Variants in ZNF431 observed in about 807,000 individuals in gnomAD.
ZNF431 encodes the protein zinc finger protein 431.
A neutral mutation model predicts 57.0 loss-of-function variants in ZNF431; 34 were observed. That is an observed-to-expected ratio of 0.60 (90% confidence interval 0.45 to 0.79). ZNF431 has a LOEUF of 0.79. ZNF431 is among the 30% of genes least tolerant of loss of function. ZNF431 has a pLI of 0.00. For synonymous variants in ZNF431, 207 were observed against 220.3 expected (o/e 0.94, Z 0.54); for missense variants, 607 against 667.1 (o/e 0.91, Z 0.99).
intron 4 of ZNF431, among the ~76,000 whole-genome samples, chr19:21,172,482 T>C (rs960149297): frequency 2.0e-5 from 3 of 151,792 alleles, no homozygotes; most frequent in African/African-American, 4.8e-5. Flanking sequence ...ACATAAAATT[T>C]AGCATCTTAA....
chr19:21,162,991 C>T (rs1970618150), intron 2 of ZNF431, among the ~76,000 whole-genome samples: 1 of 151,990 alleles, frequency 6.6e-6, no homozygotes, highest in African/African-American at 2.4e-5. Context: ...TTATTCTATA[C>T]ATTTTATTTT....
rs1288121017 is a variant in ZNF431, at chr19:21,185,786, C to T, written c.*1752C>T. ...TGTAGCATATTTTAATAGGAGAATA[C>T]AATATATAATAGTAGCAGGGTTAAG... On this transcript the variant is annotated 3_prime_UTR_variant, in exon 5 of 5. Transcript: ENST00000311048. The T allele has an allele frequency of 6.6e-6, 1 of 151,906 alleles. No individual in the cohort carries two copies. The highest frequency in any genetic ancestry group is 6.6e-5 in the Admixed American group (1 of 15,222). 9.4% of individuals were successfully genotyped at this position (151,906 alleles called of 1,614,324 possible). A position where few individuals can be genotyped will look rare whatever the true frequency, so the allele number is the denominator to read the frequency against.
intron 4 of ZNF431, among the ~76,000 whole-genome samples, chr19:21,171,712 A>ATTTTTT (rs550012306): frequency 1.1e-5 from 1 of 90,898 alleles, no homozygotes; most frequent in African/African-American, 4.6e-5. Flanking sequence ...ATATATATAT[A>ATTTTTT]TTTTTTTTTT....
intron 4 of ZNF431, among the ~76,000 whole-genome samples, chr19:21,178,115 CTGTT>C (rs1169465540): frequency 1.3e-5 from 2 of 152,080 alleles, no homozygotes; most frequent in African/African-American, 4.8e-5. Flanking sequence ...ATTTCGCTCT[CTGTT>C]TGTTTATTGT....
In ZNF431 at chr19:21,188,188, G is replaced by A. The variant is rs1029009290; in HGVS notation, c.*4154G>A. 6.6e-6 allele frequency: 1 copy of A among 151,846 alleles called. No individual in the cohort carries two copies. The highest frequency in any genetic ancestry group is 2.4e-5 in the African/African-American group (1 of 41,284). 9.4% of individuals were successfully genotyped at this position (151,846 alleles called of 1,614,324 possible). A position where few individuals can be genotyped will look rare whatever the true frequency, so the allele number is the denominator to read the frequency against. On this transcript the variant is annotated 3_prime_UTR_variant, in exon 5 of 5. Coordinates refer to ENST00000311048, the MANE Select transcript of ZNF431 (RefSeq NM_133473.4). Reference sequence around the variant, plus strand: ...GAGCAGAATCGCTTGAACCTGGGAGGTAGAGGTTGCGGTGAGCCGAGACTG... The same window carrying A: ...GAGCAGAATCGCTTGAACCTGGGAGATAGAGGTTGCGGTGAGCCGAGACTG...
chr19:21,171,718 T>A (rs879717142), intron 4 of ZNF431, among the ~76,000 whole-genome samples: 59,260 of 95,432 alleles, frequency 0.62, 17,339 homozygotes, highest in Middle Eastern at 0.82. Flanking sequence ...ATATATTTTT[T>A]TTTTTTTTTT....
intron 2 of ZNF431, among the ~76,000 whole-genome samples, chr19:21,147,621 C>A (rs1970137884): frequency 1.4e-5 from 2 of 143,524 alleles, no homozygotes; most frequent in Non-Finnish European, 1.5e-5. Context: ...AAAAAAAAAC[C>A]ATGATTGACA....
intron 4 of ZNF431, among the ~76,000 whole-genome samples, chr19:21,173,111 T>G (rs1025348020): frequency 2.0e-5 from 3 of 152,228 alleles, no homozygotes; most frequent in African/African-American, 7.2e-5. Flanking sequence ...TTGATTTAAT[T>G]ATGAAAACAT....
rs1211867523 is a variant in ZNF431, at chr19:21,142,106, C to T, written c.-78C>T. On this transcript the variant is annotated 5_prime_UTR_variant, in exon 1 of 5. Coordinates refer to ENST00000311048, the MANE Select transcript of ZNF431 (RefSeq NM_133473.4). ...CTCTGTGTCCTCTGCTCCTAGAGGCCCAACATCTGTGGCCCTGTGACCTGC... is the reference window on the plus strand; with the variant it reads ...CTCTGTGTCCTCTGCTCCTAGAGGCTCAACATCTGTGGCCCTGTGACCTGC... 3.1e-6 allele frequency: 5 copies of T among 1,593,732 alleles called. No homozygotes were observed. The highest frequency in any genetic ancestry group is 1.1e-5 in the South Asian group (1 of 90,290).
At chr19:21,154,317 A>G (rs1388284835) in intron 2 of ZNF431, among the ~76,000 whole-genome samples, 2 of 151,990 alleles carry the variant, frequency 1.3e-5, no homozygotes, top group African/African-American at 4.8e-5. Flanking sequence ...ATGGTTTCCA[A>G]CTTCATCCAT....
At chr19:21,178,743 T>G (rs1307211547) in intron 4 of ZNF431, among the ~76,000 whole-genome samples, 1 of 152,072 alleles carries the variant, frequency 6.6e-6, no homozygotes, top group Non-Finnish European at 1.5e-5. Flanking sequence ...TGCCAGCATT[T>G]TATTGAGAAT....
intron 4 of ZNF431, among the ~76,000 whole-genome samples, chr19:21,179,958 A>G (rs909710695): frequency 6.6e-6 from 1 of 152,146 alleles, no homozygotes; most frequent in Non-Finnish European, 1.5e-5. Context: ...TTGTTCATTC[A>G]GGAAATTCAT....
intron 2 of ZNF431, among the ~76,000 whole-genome samples, chr19:21,144,710 A>T (rs920613146): frequency 5.9e-5 from 9 of 152,172 alleles, no homozygotes; most frequent in African/African-American, 2.2e-4. Context: ...CTAGCTACCA[A>T]GGAAAAGAAT....
intron 4 of ZNF431, among the ~76,000 whole-genome samples, chr19:21,168,061 A>G (rs1249686629): frequency 6.6e-6 from 1 of 152,076 alleles, no homozygotes; most frequent in African/African-American, 2.4e-5. Flanking sequence ...TGTCTGAAAT[A>G]TGTGAGAGTA....
At chr19:21,169,580 AC>A (rs1568307647) in intron 4 of ZNF431, among the ~76,000 whole-genome samples, 1 of 152,062 alleles carries the variant, frequency 6.6e-6, no homozygotes, top group Non-Finnish European at 1.5e-5. Flanking sequence ...ACTAGAGTCC[AC>A]CTTTAGATGG....
chr19:21,195,020 TAATG>T lies in ZNF431; in HGVS notation c.*10991_*10994del, dbSNP rs1199372194. 1.3e-5 allele frequency: 2 copies of T among 152,030 alleles called. No homozygotes were observed. Among genetic ancestry groups the T allele is most frequent in the Non-Finnish European group, 2.9e-5 (2 of 68,004 alleles). 9.4% of individuals were successfully genotyped at this position (152,030 alleles called of 1,614,324 possible). On this transcript the variant is annotated 3_prime_UTR_variant, in exon 5 of 5. Coordinates refer to ENST00000311048, the MANE Select transcript of ZNF431 (RefSeq NM_133473.4). The stretch of plus-strand genomic sequence containing the variant: ...TTTTCCTATTGAATACAAAGTAAAA[TAATG>T]AATGCTGGTGTCAGTGGTTGGGAAT...
chr19:21,147,990 A>AT (rs1457946492), intron 2 of ZNF431, among the ~76,000 whole-genome samples: 2 of 149,590 alleles, frequency 1.3e-5, no homozygotes, highest in Non-Finnish European at 3.0e-5. Flanking sequence ...TTCTTAGTGA[A>AT]TTTTTTTTAA....
intron 2 of ZNF431, among the ~76,000 whole-genome samples, chr19:21,151,976 TG>T (rs1970286970): frequency 6.6e-6 from 1 of 152,206 alleles, no homozygotes; most frequent in South Asian, 2.1e-4. Flanking sequence ...TTTCCCCGAG[TG>T]GCCCTAGTGA....
At chr19:21,181,393 A>T (rs1971207240) in intron 4 of ZNF431, among the ~76,000 whole-genome samples, 1 of 151,910 alleles carries the variant, frequency 6.6e-6, no homozygotes, top group Admixed American at 6.6e-5. Context: ...TTTTTTCAGG[A>T]CTTTGACTAT....
Sources: allele counts gnomAD v4.1 joint callset (sites outside exome capture counted in the v4.1 genomes callset), GRCh38; gene constraint gnomAD v4.1.1; transcripts MANE v1.5; gene names NCBI Gene and HGNC (gene_info 2026-07-23, HGNC 2026-07-21).